The following ARID2 variants were observed in gnomAD, a reference collection of about 807,000 sequenced individuals.
The protein encoded by ARID2 is AT-rich interaction domain 2, also known as AT-rich interactive domain-containing protein 2.
Under a neutral mutation model 184.6 loss-of-function variants are expected in ARID2, and 32 were observed. That is an observed-to-expected ratio of 0.17 (90% CI 0.13 to 0.23). ARID2 has a LOEUF of 0.23. Among genes scored for constraint, ARID2 ranks in the 10% least tolerant of loss-of-function variants. The probability of loss-of-function intolerance (pLI) is 1.00; values close to 1 mark genes in which losing one functional copy is unlikely to be tolerated. For synonymous variants in ARID2, 836 were observed against 772.6 expected (o/e 1.08, Z -1.36); for missense variants, 1,696 against 2,197.6 (o/e 0.77, Z 4.56).
chr12:45,870,130 C>A (rs904220303), intron 16 of ARID2, among the ~76,000 whole-genome samples: 1 of 151,812 alleles, frequency 6.6e-6, no homozygotes, highest in Non-Finnish European at 1.5e-5. Flanking sequence ...GGACTACAGG[C>A]GCCCGCCACC....
At chr12:45,861,094 C>T (rs1943738786) in intron 16 of ARID2, 145 bp downstream of exon 16, 7 of 659,980 alleles carry the variant, frequency 1.1e-5, no homozygotes, top group South Asian at 4.3e-5. Context: ...TATTTATGAT[C>T]CATTATGTGG....
In ARID2 at chr12:45,906,018, T is replaced by C. The variant is rs1944525695; in HGVS notation, c.*940T>C. 2 of 231,098 alleles carry C rather than the reference T, an allele frequency of 8.7e-6. No homozygotes were observed. The highest frequency in any genetic ancestry group is 3.6e-4 in the South Asian group (2 of 5,492). The allele number at this position is 231,098 out of a possible 1,614,324, so 14.3% of individuals were successfully genotyped here. On this transcript the variant is annotated 3_prime_UTR_variant, in exon 21 of 21. Transcript: ENST00000334344. The stretch of plus-strand genomic sequence containing the variant: ...CTGGCTGAAAGAGTATGGAATAATA[T>C]ATCTCATGTCATTTTTTAGAAGAAA...
At chr12:45,861,773 C>T (rs1302909303) in intron 16 of ARID2, among the ~76,000 whole-genome samples, 2 of 151,312 alleles carry the variant, frequency 1.3e-5, no homozygotes, top group African/African-American at 2.4e-5. Flanking sequence ...TTTTTCACCA[C>T]GTTGGCCAGG....
chr12:45,837,168 A>C (rs182099139), intron 8 of ARID2, among the ~76,000 whole-genome samples, 153 bp from the exon 9 acceptor site: 19 of 152,354 alleles, frequency 1.2e-4, no homozygotes, highest in Non-Finnish European at 2.5e-4. Context: ...AAAGTATTTG[A>C]AATGATGCTT....
chr12:45,774,422 C>T (rs943196510), intron 3 of ARID2, among the ~76,000 whole-genome samples: 5 of 152,038 alleles, frequency 3.3e-5, no homozygotes, highest in African/African-American at 9.7e-5. Flanking sequence ...TTTATCATAC[C>T]TGTCAAAGAT....
chr12:45,765,052 T>G (rs1243818800), intron 3 of ARID2, among the ~76,000 whole-genome samples: 1 of 152,216 alleles, frequency 6.6e-6, no homozygotes, highest in Non-Finnish European at 1.5e-5. Context: ...CTAAAAGATG[T>G]GTAATAATAT....
At chr12:45,879,912 G>A (rs1459633190) in intron 16 of ARID2, among the ~76,000 whole-genome samples, 1 of 152,114 alleles carries the variant, frequency 6.6e-6, no homozygotes, top group Non-Finnish European at 1.5e-5. Context: ...TGTGTAATTG[G>A]AGAAAAGGAC....
chr12:45,860,790 CT>C lies in ARID2; in HGVS notation c.4774-6del, dbSNP rs775179028. 1 of 1,511,982 alleles carries C rather than the reference CT, an allele frequency of 6.6e-7. No individual in the cohort carries two copies. 93.7% of individuals were successfully genotyped at this position (1,511,982 alleles called of 1,614,324 possible). On this transcript the variant is annotated splice_polypyrimidine_tract_variant and intron_variant, in intron 15 of 20. Coordinates refer to ENST00000334344, the MANE Select transcript of ARID2 (RefSeq NM_152641.4). The stretch of plus-strand genomic sequence containing the variant: ...TCATGTCACAAACTCTGCATTTGTT[CT>C]TTTTCACAGAACACTCCTATGCCAC...
At chr12:45,890,006 T>G (rs1026963595) in intron 16 of ARID2, among the ~76,000 whole-genome samples, 13 of 152,234 alleles carry the variant, frequency 8.5e-5, no homozygotes, top group African/African-American at 3.1e-4. Context: ...CACCTTCATG[T>G]GATTATTGCA....
chr12:45,747,969 A>T (rs1244343312), intron 3 of ARID2, among the ~76,000 whole-genome samples: 1 of 152,228 alleles, frequency 6.6e-6, no homozygotes, highest in Non-Finnish European at 1.5e-5. Context: ...TATATATGAT[A>T]GTAAAATGAG....
chr12:45,810,921 G>C (rs1007660436), intron 3 of ARID2, among the ~76,000 whole-genome samples: 1 of 152,008 alleles, frequency 6.6e-6, no homozygotes, highest in African/African-American at 2.4e-5. Flanking sequence ...TAGAACCATT[G>C]CATTGAGGCC....
chr12:45,811,349 T>G, intron 3 of ARID2, 69 bp from the exon 4 acceptor site: 1 of 1,457,466 alleles, frequency 6.9e-7, no homozygotes, highest in Non-Finnish European at 9.2e-7. Context: ...AAAACAAATA[T>G]GTGGTGAGAG....
chr12:45,745,026 G>A (rs1941329631), intron 3 of ARID2, among the ~76,000 whole-genome samples: 1 of 152,176 alleles, frequency 6.6e-6, no homozygotes, highest in South Asian at 2.1e-4. Context: ...ACTCTTTAGA[G>A]TTTTAAGCAA....
In ARID2 at chr12:45,839,462, A is replaced by G. The variant is rs1943295693; in HGVS notation, c.1464A>G (p.Gln488=). ...AAATTAGGCCACAAGCTATAGAGCA[A>G]GTCCAAACCCAGACTCATGTAGCAT... ...LSEIRPQAIE[Q]VQTQTHVASA... is the part of the protein sequence containing the mutation. The change falls in exon 11 of 21, where the codon CAA becomes CAG. Residue 488 remains glutamine, a synonymous_variant. Transcript: ENST00000334344. The G allele has an allele frequency of 3.1e-6, 5 of 1,613,854 alleles. No homozygotes were observed. The South Asian group carries it at 5.5e-5, about 18-fold the overall frequency.
intron 16 of ARID2, among the ~76,000 whole-genome samples, chr12:45,868,067 T>C (rs1943859996): frequency 6.6e-6 from 1 of 152,258 alleles, no homozygotes; most frequent in Non-Finnish European, 1.5e-5. Flanking sequence ...GATTTTCTTC[T>C]GTGAATTATC....
intron 10 of ARID2, 52 bp downstream of exon 10, chr12:45,837,759 A>G (rs571582643): frequency 6.5e-7 from 1 of 1,541,352 alleles, no homozygotes; most frequent in African/African-American, 1.4e-5. Context: ...AAAGTGTTTA[A>G]TATGGTACTG....
At chr12:45,734,954 C>T (rs757970332) in intron 3 of ARID2, among the ~76,000 whole-genome samples, 1 of 152,116 alleles carries the variant, frequency 6.6e-6, no homozygotes, top group African/African-American at 2.4e-5. Flanking sequence ...ATATCTTGGA[C>T]ATTAAAAATT....
chr12:45,846,870 G>C lies in ARID2; in HGVS notation c.1513G>C (p.Val505Leu), dbSNP rs2138150271. 6.2e-7 allele frequency: 1 copy of C among 1,613,056 alleles called. No individual in the cohort carries two copies. The highest frequency in any genetic ancestry group is 8.5e-7 in the Non-Finnish European group (1 of 1,179,302). The change falls in exon 12 of 21, where the codon GTA (valine) becomes CTA (leucine). Residue 505 changes from valine to leucine, a missense_variant. Val to Leu is a conservative substitution (Grantham distance 32). Coordinates refer to ENST00000334344, the MANE Select transcript of ARID2 (RefSeq NM_152641.4). Reference protein sequence around the residue: ...VASAPASRAVVAQHVAPPPGI... With the variant: ...VASAPASRAVLAQHVAPPPGI... The stretch of plus-strand genomic sequence containing the variant: ...TTTTTCTTTAGCTTCCAGAGCAGTT[G>C]TAGCGCAGCATGTTGCTCCACCTCC...
chr12:45,854,644 A>G (rs1943612214), intron 15 of ARID2, among the ~76,000 whole-genome samples: 1 of 152,094 alleles, frequency 6.6e-6, no homozygotes, highest in South Asian at 2.1e-4. Context: ...GACCTTTACA[A>G]TCCTAAATAG....
Sources: allele counts gnomAD v4.1 joint callset (sites outside exome capture counted in the v4.1 genomes callset), GRCh38; gene constraint gnomAD v4.1.1; transcripts MANE v1.5; gene names NCBI Gene and HGNC (gene_info 2026-07-23, HGNC 2026-07-21).